Variants in LIMK2 observed in about 807,000 individuals in gnomAD.
The protein encoded by LIMK2 is LIM domain kinase 2.
A neutral mutation model predicts 75.7 loss-of-function variants in LIMK2; 35 were observed. The observed-to-expected ratio is 0.46, with a 90% confidence interval of 0.35 to 0.61. The LOEUF (loss-of-function observed/expected upper bound fraction) is 0.61. Among genes scored for constraint, LIMK2 ranks in the 20% least tolerant of loss-of-function variants. LIMK2 has a pLI of 0.00. For synonymous variants in LIMK2, 301 were observed against 319.2 expected (o/e 0.94, Z 0.61); for missense variants, 623 against 831.0 (o/e 0.75, Z 3.08).
intron 15 of LIMK2, chr22:31,276,752 A>G (rs752750543): frequency 6.3e-7 from 1 of 1,574,990 alleles, no homozygotes; most frequent in South Asian, 1.1e-5. Context: ...CCCCCAGGCC[A>G]GGCAGTGGCG....
At chr22:31,228,021 CGT>C (rs66641491) in intron 2 of LIMK2, among the ~76,000 whole-genome samples, 5,151 of 147,116 alleles carry the variant, frequency 0.035, 297 homozygotes, top group African/African-American at 0.11. Context: ...TCTGTGCGTG[CGT>C]GTGTGTGTGT....
intron 12 of LIMK2, among the ~76,000 whole-genome samples, chr22:31,272,125 A>G (rs1421909863): frequency 2.0e-5 from 3 of 152,012 alleles, no homozygotes; most frequent in Non-Finnish European, 4.4e-5. Flanking sequence ...CAGTGGTGCA[A>G]TCTTGGCTTA....
At chr22:31,212,546 T>C in intron 1 of LIMK2, 122 bp downstream of exon 1, 2 of 1,012,232 alleles carry the variant, frequency 2.0e-6, no homozygotes, top group Non-Finnish European at 2.6e-6. Context: ...GGGTCCGAGC[T>C]CCTCAGAAAA....
intron 2 of LIMK2, 115 bp downstream of exon 2, chr22:31,225,934 G>A (rs2048473906): frequency 1.2e-6 from 1 of 813,498 alleles, no homozygotes. Flanking sequence ...ATCTTAGGGT[G>A]GGGAAAGGAA....
At chr22:31,257,341 G>A (rs1192774967) in intron 2 of LIMK2, among the ~76,000 whole-genome samples, 2 of 152,046 alleles carry the variant, frequency 1.3e-5, no homozygotes, top group African/African-American at 4.8e-5. Context: ...ATAGATTCAT[G>A]ATTTGTTAAT....
chr22:31,267,096 G>A (rs1488396213), intron 9 of LIMK2, 26 bp downstream of exon 9: 1 of 1,387,112 alleles, frequency 7.2e-7, no homozygotes, highest in Non-Finnish European at 1.0e-6. Flanking sequence ...GGGCCCGGGA[G>A]GTTGGTGTCA....
intron 2 of LIMK2, among the ~76,000 whole-genome samples, chr22:31,227,622 C>T (rs909181549): frequency 6.6e-6 from 1 of 152,112 alleles, no homozygotes; most frequent in Non-Finnish European, 1.5e-5. Flanking sequence ...CTGTAAGGGA[C>T]CTTATAGTTA....
At chr22:31,242,431 A>G (rs2048630514) in intron 2 of LIMK2, among the ~76,000 whole-genome samples, 1 of 152,226 alleles carries the variant, frequency 6.6e-6, no homozygotes, top group Admixed American at 6.5e-5. Flanking sequence ...AGCGCCTGGT[A>G]TATAGTAGAT....
chr22:31,260,601 A>G (rs1225626024), intron 5 of LIMK2, among the ~76,000 whole-genome samples: 4 of 152,354 alleles, frequency 2.6e-5, no homozygotes, highest in South Asian at 2.1e-4. Context: ...GTCTGTGTCT[A>G]TCTAATACCA....
At chr22:31,213,076 G>T (rs1413364487) in intron 1 of LIMK2, among the ~76,000 whole-genome samples, 1 of 152,132 alleles carries the variant, frequency 6.6e-6, no homozygotes, top group African/African-American at 2.4e-5. Context: ...GGGGCCCAAA[G>T]ATCTCTGCTA....
At chr22:31,277,259 C>T (rs879689714) in intron 15 of LIMK2, 21 of 1,534,496 alleles carry the variant, frequency 1.4e-5, no homozygotes, top group Non-Finnish European at 1.8e-5. Context: ...CAGGGCTCCT[C>T]GTGCCCCTGG....
chr22:31,276,606 GCTAAC>G (rs2049023507), intron 15 of LIMK2, among the ~76,000 whole-genome samples: 1 of 146,336 alleles, frequency 6.8e-6, no homozygotes, highest in African/African-American at 2.4e-5. Flanking sequence ...GAGCCGGCGA[GCTAAC>G]CTGAGCCAGC....
chr22:31,264,007 T>G (rs559570442), intron 7 of LIMK2, among the ~76,000 whole-genome samples: 93 of 152,174 alleles, frequency 6.1e-4, no homozygotes, highest in African/African-American at 2.1e-3. Flanking sequence ...AAAAGTTTGT[T>G]TTTTTTTATC....
chr22:31,221,008 G>C (rs1380730446), intron 1 of LIMK2, among the ~76,000 whole-genome samples: 1 of 152,014 alleles, frequency 6.6e-6, no homozygotes, highest in African/African-American at 2.4e-5. Context: ...AGATAGAGAA[G>C]CTTATACATA....
Position 31,266,044 on chromosome 22 carries a change from C to T in LIMK2, c.953C>T (p.Ser318Phe). The change falls in exon 8 of 16, where the codon TCC becomes TTC. Residue 318 changes from serine to phenylalanine, a missense_variant. By Grantham distance (155) the Ser-to-Phe change is radical. This residue lies in a region of LIMK2 where 514 missense variants were observed against 661.3 expected (regional missense o/e 0.78). Transcript: ENST00000331728. ...AGCCGCTCAGAATCCCTTCGTTGTTCCAGCAGCTATTCACAGCAGATCTTC... is the reference window on the plus strand; with the variant it reads ...AGCCGCTCAGAATCCCTTCGTTGTTTCAGCAGCTATTCACAGCAGATCTTC... ...DISRSESLRCSSSYSQQIFRP... is the reference protein window; with the variant it reads ...DISRSESLRCFSSYSQQIFRP... 1 of 1,614,200 alleles carries T rather than the reference C, an allele frequency of 6.2e-7. No individual in the cohort carries two copies. Among genetic ancestry groups the T allele is most frequent in the African/African-American group, 1.3e-5 (1 of 75,046 alleles).
At chr22:31,214,301 C>G (rs2048372420) in intron 1 of LIMK2, among the ~76,000 whole-genome samples, 1 of 152,208 alleles carries the variant, frequency 6.6e-6, no homozygotes, top group Non-Finnish European at 1.5e-5. Context: ...GTGTCATATA[C>G]TTAGCCAAAT....
intron 12 of LIMK2, 30 bp downstream of exon 12, chr22:31,271,231 C>G (rs761486672): frequency 6.3e-7 from 1 of 1,598,590 alleles, no homozygotes; most frequent in Non-Finnish European, 8.6e-7. Flanking sequence ...GCCTGGCCTC[C>G]AGGGTCCTAT....
chr22:31,267,983 T>C, intron 10 of LIMK2, 76 bp downstream of exon 10: 1 of 1,569,412 alleles, frequency 6.4e-7, no homozygotes, highest in Non-Finnish European at 8.7e-7. Context: ...CCCTAGGAGC[T>C]TAAAGGGCAG....
At chr22:31,258,845 C>G in intron 3 of LIMK2, 1 of 436,134 alleles carries the variant, frequency 2.3e-6, no homozygotes. Flanking sequence ...GACTTGCCAA[C>G]CCTGTATTGG....
Sources: allele counts gnomAD v4.1 joint callset (sites outside exome capture counted in the v4.1 genomes callset), GRCh38; gene constraint gnomAD v4.1.1; regional missense constraint gnomAD v4.1.1; transcripts MANE v1.5; gene names NCBI Gene and HGNC (gene_info 2026-07-23, HGNC 2026-07-21).